The following DAB1 variants were observed in gnomAD, a reference collection of about 807,000 sequenced individuals.
DAB1 encodes the protein DAB adaptor protein 1, also known as disabled homolog 1.
DAB1 carries 15 observed loss-of-function variants against 64.6 expected under a neutral mutation model. That is an observed-to-expected ratio of 0.23 (90% CI 0.16 to 0.36). The LOEUF (loss-of-function observed/expected upper bound fraction) is 0.36, where lower values mean the gene tolerates loss of function less well. Ranked by LOEUF, DAB1 falls within the 10% of genes least tolerant of loss-of-function variation. DAB1 has a pLI of 1.00. For synonymous variants in DAB1, 235 were observed against 251.9 expected, an observed-to-expected ratio of 0.93 and a Z score of 0.64; for missense variants, 596 against 706.7, an observed-to-expected ratio of 0.84 and a Z score of 1.78.
chr1:57,913,748 GAAAA>G (rs1476722570), intron 5 of DAB1, among the ~76,000 whole-genome samples: 3 of 149,130 alleles, frequency 2.0e-5, no homozygotes, highest in Non-Finnish European at 4.4e-5. Context: ...AAATTTACAA[GAAAA>G]AAACAAACAA....
intron 5 of DAB1, among the ~76,000 whole-genome samples, chr1:57,947,143 C>T (rs959384424): frequency 2.0e-5 from 3 of 152,036 alleles, no homozygotes; most frequent in Admixed American, 6.6e-5. Context: ...TATGAGGAAA[C>T]GAGGGCATAA....
Position 58,303,322 on chromosome 1 carries a change from G to A in DAB1, n.309+40030C>T, listed in dbSNP as rs141050090. Among the ~76,000 whole-genome samples the A allele has an allele frequency of 4.6e-5, 7 of 151,914 alleles. No individual in the cohort carries two copies. The East Asian group carries it at 1.4e-3, about 30-fold the overall frequency. On this transcript the variant is annotated intron_variant and non_coding_transcript_variant, in intron 4 of 20. Coordinates refer to the DAB1 transcript ENST00000485760. ...TTTGGGGAATCTCTGGGGTGCCTCA[G>A]TTGACCCCACTTGGTTTTTCAGTAC...
intron 4 of DAB1, among the ~76,000 whole-genome samples, chr1:58,340,839 T>C (rs991721263): frequency 6.6e-5 from 10 of 152,226 alleles, no homozygotes; most frequent in African/African-American, 2.4e-4. Flanking sequence ...TGAAATGGAA[T>C]ACATACTTCT....
chr1:57,765,159 A>G (rs1456614536), intron 6 of DAB1, among the ~76,000 whole-genome samples: 1 of 152,196 alleles, frequency 6.6e-6, no homozygotes, highest in Non-Finnish European at 1.5e-5. Flanking sequence ...CATGAAGAAG[A>G]AATTTTGATC....
chr1:57,445,019 C>T (rs941675305), intron 7 of DAB1, among the ~76,000 whole-genome samples: 3 of 152,120 alleles, frequency 2.0e-5, no homozygotes, highest in African/African-American at 7.2e-5. Context: ...ATATAGAACT[C>T]ACCACAGTGA....
In DAB1 at chr1:58,450,389, G is replaced by A. The variant is rs561202907; in HGVS notation, n.257+55671C>T. On this transcript the variant is annotated intron_variant and non_coding_transcript_variant, in intron 3 of 20. Coordinates refer to the DAB1 transcript ENST00000485760. The stretch of plus-strand genomic sequence containing the variant: ...GGTCTGAGGAGTGGCTTCCCACTCC[G>A]GGAGGTGGAGCTCAATTTCTTTCCC... Among the ~76,000 whole-genome samples the A allele has an allele frequency of 8.9e-4, 136 of 152,284 alleles. 1 individual carries two copies. In the South Asian group the frequency reaches 0.027, roughly 30 times the overall value.
chr1:57,380,305 T>TA (rs1283393572), intron 1 of DAB1, among the ~76,000 whole-genome samples: 1 of 152,218 alleles, frequency 6.6e-6, no homozygotes, highest in Non-Finnish European at 1.5e-5. Context: ...ATGGTGTTGT[T>TA]ACGTAAATAA....
intron 1 of DAB1, among the ~76,000 whole-genome samples, chr1:57,375,928 A>T (rs1052452149): frequency 5.9e-5 from 9 of 152,196 alleles, no homozygotes; most frequent in Admixed American, 5.2e-4. Flanking sequence ...AGAAAGATGA[A>T]TCGAGCATGG....
chr1:57,047,135 A>G (rs1648601831), intron 9 of DAB1, among the ~76,000 whole-genome samples: 1 of 152,206 alleles, frequency 6.6e-6, no homozygotes, highest in Admixed American at 6.5e-5. Flanking sequence ...TGCCTCTTCT[A>G]GCTGTTCTAA....
chr1:57,408,924 A>G (rs1013498105), intron 1 of DAB1, among the ~76,000 whole-genome samples: 3 of 151,960 alleles, frequency 2.0e-5, no homozygotes, highest in Non-Finnish European at 2.9e-5. Context: ...AGATTCACTC[A>G]CTGGGAAACA....
At chr1:58,300,498 G>T (rs371664210) in intron 4 of DAB1, among the ~76,000 whole-genome samples, 110 of 150,056 alleles carry the variant, frequency 7.3e-4, no homozygotes, top group African/African-American at 2.6e-3. Flanking sequence ...AGTGAGCTGA[G>T]ATCACACTAT....
intron 2 of DAB1, among the ~76,000 whole-genome samples, chr1:57,153,783 G>A (rs1190031453): frequency 2.0e-5 from 3 of 151,890 alleles, no homozygotes; most frequent in East Asian, 1.9e-4. Flanking sequence ...GATTACAGGC[G>A]ACCGCCACCA....
chr1:58,392,299 T>C (rs1027644895), intron 3 of DAB1, among the ~76,000 whole-genome samples: 1 of 152,182 alleles, frequency 6.6e-6, no homozygotes, highest in Admixed American at 6.5e-5. Flanking sequence ...ACCTTCAAGA[T>C]GTAACGGCTC....
intron 4 of DAB1, among the ~76,000 whole-genome samples, chr1:57,124,589 A>ATATT (rs1656963476): frequency 6.6e-6 from 1 of 152,194 alleles, no homozygotes; most frequent in Non-Finnish European, 1.5e-5. Context: ...CAGGCTTTAG[A>ATATT]GTTGCTGGCA....
intron 1 of DAB1, among the ~76,000 whole-genome samples, chr1:57,335,736 G>T (rs1019768785): frequency 1.3e-5 from 2 of 152,128 alleles, no homozygotes; most frequent in Admixed American, 6.5e-5. Context: ...AGGATTAAAA[G>T]GTCGAGAATC....
intron 4 of DAB1, among the ~76,000 whole-genome samples, chr1:58,177,101 T>C (rs75095363): frequency 4.6e-5 from 7 of 152,150 alleles, no homozygotes; most frequent in Admixed American, 3.9e-4. Context: ...TTAATTGTAT[T>C]TTACAGAAGA....
intron 2 of DAB1, among the ~76,000 whole-genome samples, chr1:57,191,988 C>T (rs575526955): frequency 6.6e-6 from 1 of 152,190 alleles, no homozygotes; most frequent in East Asian, 1.9e-4. Context: ...ATAATCGCTG[C>T]TCTTAGGGTC....
At chr1:57,904,290 A>G (rs938160543) in intron 5 of DAB1, among the ~76,000 whole-genome samples, 1 of 152,146 alleles carries the variant, frequency 6.6e-6, no homozygotes, top group African/African-American at 2.4e-5. Flanking sequence ...CCTTTGCCTC[A>G]AATCCTTGCC....
intron 2 of DAB1, among the ~76,000 whole-genome samples, chr1:58,508,263 T>C (rs569021174): frequency 1.8e-4 from 27 of 152,328 alleles, no homozygotes; most frequent in Admixed American, 6.5e-4. Flanking sequence ...TAAAGTCAGA[T>C]AATTTTGTTT....
Sources: allele counts gnomAD v4.1 joint callset (sites outside exome capture counted in the v4.1 genomes callset), GRCh38; gene constraint gnomAD v4.1.1; transcripts MANE v1.5; gene names NCBI Gene and HGNC (gene_info 2026-07-23, HGNC 2026-07-21).